Variants in SEC14L6 observed in about 807,000 individuals in gnomAD.
The protein encoded by SEC14L6 is SEC14-like protein 6.
A neutral mutation model predicts 54.1 loss-of-function variants in SEC14L6; 40 were observed. That is an observed-to-expected ratio of 0.74 (90% CI 0.57 to 0.96). The LOEUF is 0.96. Among genes scored for constraint, SEC14L6 ranks in the 40% least tolerant of loss-of-function variants. The probability of loss-of-function intolerance (pLI) is 0.00; values close to 1 mark genes in which losing one functional copy is unlikely to be tolerated. For synonymous variants in SEC14L6, 171 were observed against 198.4 expected (o/e 0.86, Z 1.16); for missense variants, 471 against 498.3 (o/e 0.95, Z 0.52).
intron 2 of SEC14L6, among the ~76,000 whole-genome samples, chr22:30,534,668 C>G (rs994421488): frequency 1.3e-5 from 2 of 152,120 alleles, no homozygotes. Flanking sequence ...GCCTCACCCC[C>G]CAGAATGCTG....
At position 30,524,172 on chromosome 22, in the gene SEC14L6, A is replaced by G. The variant is rs1936691030; in HGVS notation, c.*825T>C. ...CCAGTTCCTTCCTGCAGAAACCATC[A>G]TAAAAGTAAAGTTGCTTTGTCCAGA... On this transcript the variant is annotated 3_prime_UTR_variant, in exon 12 of 12. Coordinates refer to ENST00000402034, the MANE Select transcript of SEC14L6 (RefSeq NM_001193336.4). The G allele has an allele frequency of 6.6e-6, 1 of 152,176 alleles. No homozygotes were observed. Among genetic ancestry groups the G allele is most frequent in the Non-Finnish European group, 1.5e-5 (1 of 68,044 alleles). 9.4% of individuals were successfully genotyped at this position (152,176 alleles called of 1,614,324 possible). A position where few individuals can be genotyped will look rare whatever the true frequency, so the allele number is the denominator to read the frequency against.
intron 1 of SEC14L6, among the ~76,000 whole-genome samples, chr22:30,541,339 T>C (rs537479835): frequency 6.6e-6 from 1 of 152,350 alleles, no homozygotes; most frequent in South Asian, 2.1e-4. Context: ...TGAATGGTGT[T>C]TAATTGCTTT....
In SEC14L6 at chr22:30,543,698, G is replaced by T. The variant is rs1033795881; in HGVS notation, c.54+2931C>A. On this transcript the variant is annotated intron_variant, in intron 1 of 11. Coordinates refer to ENST00000402034, the MANE Select transcript of SEC14L6 (RefSeq NM_001193336.4). ...GAACAGAACATCTATATTGTGGTGG[G>T]CGTGGTGTGCACCTTGCTGGTGGCC... The T allele has an allele frequency of 3.8e-5, 61 of 1,609,158 alleles. No homozygotes were observed. The South Asian group carries it at 6.6e-4, about 17-fold the overall frequency.
In SEC14L6 at chr22:30,532,000, T is replaced by C. The variant is rs201567730; in HGVS notation, c.424-2A>G. On this transcript the variant is annotated splice_acceptor_variant, in intron 5 of 11. Coordinates refer to ENST00000402034, the MANE Select transcript of SEC14L6 (RefSeq NM_001193336.4). LOFTEE classifies it high-confidence loss of function. ...GATTTTCTCCACCCTCTTCCCCAGCTGCAAGGGAATGACAGGGGGTGAGAC... is the reference window on the plus strand; with the variant it reads ...GATTTTCTCCACCCTCTTCCCCAGCCGCAAGGGAATGACAGGGGGTGAGAC... 600 of 1,550,010 alleles carry C rather than the reference T, an allele frequency of 3.9e-4. No individual in the cohort carries two copies. Among genetic ancestry groups the C allele is most frequent in the Non-Finnish European group, 3.9e-4 (452 of 1,146,528 alleles).
At chr22:30,541,009 A>G (rs1435031880) in intron 1 of SEC14L6, among the ~76,000 whole-genome samples, 18 of 122,792 alleles carry the variant, frequency 1.5e-4, no homozygotes, top group Non-Finnish European at 2.7e-4. Context: ...ACAGGGTGAG[A>G]CTACATCTCA....
chr22:30,545,430 T>C (rs2085788728), intron 1 of SEC14L6, among the ~76,000 whole-genome samples: 1 of 152,098 alleles, frequency 6.6e-6, no homozygotes. Flanking sequence ...GGTCTAGCTC[T>C]GTTGCCCAGG....
intron 1 of SEC14L6, chr22:30,542,562 A>T: frequency 7.2e-7 from 1 of 1,381,800 alleles, no homozygotes; most frequent in Middle Eastern, 2.6e-4. Context: ...CGGGCGGCGT[A>T]GCCGCGGCCC....
rs1936679795 is a variant in SEC14L6, at chr22:30,523,758, TAG to T, written c.*1237_*1238del. 1.3e-5 allele frequency: 2 copies of T among 152,194 alleles called. No individual in the cohort carries two copies. The highest frequency in any genetic ancestry group is 4.8e-5 in the African/African-American group (2 of 41,418). 9.4% of individuals were successfully genotyped at this position (152,194 alleles called of 1,614,324 possible). A position where few individuals can be genotyped will look rare whatever the true frequency, so the allele number is the denominator to read the frequency against. On this transcript the variant is annotated 3_prime_UTR_variant, in exon 12 of 12. Transcript: ENST00000402034. ...GGGAACGTGTATGTGGAAGACAGAATAGAGAGTTTAAAATTCTTTCTAGATGG... is the reference window on the plus strand; with the variant it reads ...GGGAACGTGTATGTGGAAGACAGAATAGAGTTTAAAATTCTTTCTAGATGG...
intron 1 of SEC14L6, among the ~76,000 whole-genome samples, chr22:30,542,252 T>C (rs2085731864): frequency 6.6e-6 from 1 of 152,150 alleles, no homozygotes; most frequent in Non-Finnish European, 1.5e-5. Context: ...GCCTTCAGCT[T>C]TGGGGCTCAG....
rs1280052549 is a variant in SEC14L6 at position 30,538,830 on chromosome 22, G to A, written c.127C>T (p.Gln43Ter). The A allele has an allele frequency of 7.7e-6, 12 of 1,555,856 alleles. No homozygotes were observed. Among genetic ancestry groups the A allele is most frequent in the East Asian group, 2.4e-5 (1 of 41,680 alleles). The part of the protein sequence containing the change: ...PDDYFLLRWL[Q>*]ARSFDLQKSE... The stretch of plus-strand genomic sequence containing the variant: ...CAGCCCCACGCTCTATCCTTACCTT[G>A]GAGCCAGCGCAGGAGGAAGTAGTCA... The change falls in exon 2 of 12, where the codon CAA becomes TAA. Residue 43 changes from glutamine to a stop codon, truncating the protein, a stop_gained. Coordinates refer to ENST00000402034, the MANE Select transcript of SEC14L6 (RefSeq NM_001193336.4). LOFTEE classifies it high-confidence loss of function.
At chr22:30,526,446 G>A (rs565692656) in intron 8 of SEC14L6, among the ~76,000 whole-genome samples, 2 of 152,216 alleles carry the variant, frequency 1.3e-5, no homozygotes, top group African/African-American at 2.4e-5. Flanking sequence ...AAAGGGACAC[G>A]GGCATTGCAG....
intron 2 of SEC14L6, among the ~76,000 whole-genome samples, chr22:30,536,748 G>A (rs1355508930): frequency 1.3e-5 from 2 of 152,128 alleles, no homozygotes; most frequent in Admixed American, 6.6e-5. Context: ...TAAATGGCCG[G>A]GCACAGTGGC....
intron 3 of SEC14L6, 94 bp from the exon 4 acceptor site, chr22:30,532,950 A>G: frequency 6.5e-7 from 1 of 1,547,402 alleles, no homozygotes; most frequent in Non-Finnish European, 8.7e-7. Flanking sequence ...CTCTGCCTGC[A>G]ACCACTAAGG....
intron 2 of SEC14L6, among the ~76,000 whole-genome samples, chr22:30,538,430 C>A (rs531646484): frequency 7.2e-5 from 11 of 152,306 alleles, no homozygotes; most frequent in African/African-American, 2.6e-4. Context: ...TTCCTCCCTG[C>A]TCACTGGGAT....
At chr22:30,537,030 A>G (rs1352368627) in intron 2 of SEC14L6, among the ~76,000 whole-genome samples, 4 of 151,366 alleles carry the variant, frequency 2.6e-5, no homozygotes, top group Admixed American at 1.3e-4. Flanking sequence ...TCAAAAAAAA[A>G]AAAAAAAAAA....
chr22:30,546,211 C>T (rs894104772), intron 1 of SEC14L6, among the ~76,000 whole-genome samples: 3 of 151,734 alleles, frequency 2.0e-5, no homozygotes, highest in African/African-American at 7.3e-5. Flanking sequence ...GGTTAAAACC[C>T]CATCTCTACT....
chr22:30,531,200 G>A (rs1229423189), intron 6 of SEC14L6, among the ~76,000 whole-genome samples: 1 of 152,076 alleles, frequency 6.6e-6, no homozygotes, highest in Non-Finnish European at 1.5e-5. Context: ...CTGAGGTCAG[G>A]AGTTCAGGAC....
At chr22:30,537,216 AC>A (rs1323170391) in intron 2 of SEC14L6, among the ~76,000 whole-genome samples, 4 of 152,120 alleles carry the variant, frequency 2.6e-5, no homozygotes, top group Non-Finnish European at 1.5e-5. Context: ...ATTGCTTTGT[AC>A]TAAACTCCAG....
At chr22:30,545,913 C>T (rs1335328058) in intron 1 of SEC14L6, among the ~76,000 whole-genome samples, 1 of 152,048 alleles carries the variant, frequency 6.6e-6, no homozygotes, top group Non-Finnish European at 1.5e-5. Flanking sequence ...CCACTGCAAC[C>T]TCCACCTCCT....
Sources: allele counts gnomAD v4.1 joint callset (sites outside exome capture counted in the v4.1 genomes callset), GRCh38; gene constraint gnomAD v4.1.1; transcripts MANE v1.5; gene names NCBI Gene and HGNC (gene_info 2026-07-23, HGNC 2026-07-21).